Variants in SYDE2 observed in about 807,000 individuals in gnomAD.
SYDE2 encodes the protein synapse defective Rho GTPase homolog 2.
Under a neutral mutation model 91.5 loss-of-function variants are expected in SYDE2, and 76 were observed. The observed-to-expected ratio is 0.83, with a 90% confidence interval of 0.69 to 1.01. The LOEUF is 1.01. SYDE2 is among the 50% of genes least tolerant of loss of function. SYDE2 has a pLI of 0.00. For synonymous variants in SYDE2, 513 were observed against 506.4 expected (o/e 1.01, Z -0.18); for missense variants, 1,364 against 1,367.7 (o/e 1.00, Z 0.04).
At chr1:85,184,735 T>C (rs777481586) in intron 2 of SYDE2, among the ~76,000 whole-genome samples, 7 of 151,762 alleles carry the variant, frequency 4.6e-5, no homozygotes, top group African/African-American at 9.7e-5. Flanking sequence ...TGTGGTGGTG[T>C]GCTATAGTCC....
At chr1:85,167,640 G>A (rs1218563353) in intron 5 of SYDE2, among the ~76,000 whole-genome samples, 2 of 152,120 alleles carry the variant, frequency 1.3e-5, no homozygotes, top group African/African-American at 4.8e-5. Flanking sequence ...TTGTAGAGAC[G>A]GTTTCGCCAT....
chr1:85,152,601 G>T (rs1489560030), downstream of SYDE2: 2 of 152,114 alleles, frequency 1.3e-5, no homozygotes, highest in African/African-American at 4.8e-5. Flanking sequence ...CCATTCTCAA[G>T]TATCTTATTA....
Position 85,163,480 on chromosome 1 carries a change from T to A in SYDE2, c.3085+1046A>T, listed in dbSNP as rs890993865. The stretch of plus-strand genomic sequence containing the variant: ...ATATATATATATATATATATATATA[T>A]AACAAAAGAGTAACCAAAGACATTG... On this transcript the variant is annotated intron_variant, in intron 6 of 6. Coordinates refer to ENST00000341460, the MANE Select transcript of SYDE2 (RefSeq NM_032184.2). Among the ~76,000 whole-genome samples, 147 of 134,636 alleles carry A rather than the reference T, an allele frequency of 1.1e-3. 1 individual carries two copies. Among genetic ancestry groups the A allele is most frequent in the African/African-American group, 4.1e-3 (140 of 33,800 alleles). The allele number at this position is 134,636 out of a possible 152,430, so 88.3% of individuals were successfully genotyped here. A position where few individuals can be genotyped will look rare whatever the true frequency, so the allele number is the denominator to read the frequency against.
intron 6 of SYDE2, chr1:85,160,140 C>T: frequency 1.0e-6 from 1 of 985,198 alleles, no homozygotes; most frequent in Non-Finnish European, 1.2e-6. Context: ...CTTTCTCTTT[C>T]TGCATGAATA....
chr1:85,182,584 G>C lies in SYDE2; in HGVS notation c.2058C>G (p.Phe686Leu), dbSNP rs764798299. The part of the protein sequence containing the change: ...QYISGLMSVH[F>L]YGAEDLKPPR... ...GTGGTTTTAAATCCTCAGCACCATA[G>C]AAATGTACACTCATGAGCCCAGATA... Residue 686 changes from phenylalanine to leucine, a missense_variant, in exon 3 of 7, where the codon TTC becomes TTG. Transcript: ENST00000341460. 8 of 1,613,764 alleles carry C rather than the reference G, an allele frequency of 5.0e-6. No individual in the cohort carries two copies. In the African/African-American group the frequency reaches 1.1e-4, roughly 22 times the overall value.
chr1:85,169,163 C>A lies in SYDE2; in HGVS notation c.2734G>T (p.Ala912Ser), dbSNP rs760702883. The change falls in exon 5 of 7, where the codon GCT becomes TCT. Residue 912 changes from alanine (A) to serine (S), a missense_variant. Transcript: ENST00000341460. ...CTTTTTGCCATTGCATCTAATACAG[C>A]CTCATAAAGCTGCTTTGTTATCAGA... ...SPLITKQLYE[A>S]VLDAMAKSPL... is the part of the protein sequence containing the mutation. 1.9e-6 allele frequency: 3 copies of A among 1,613,810 alleles called. No individual in the cohort carries two copies. The South Asian group carries it at 3.3e-5, about 18-fold the overall frequency.
At position 85,172,961 on chromosome 1, in the gene SYDE2, G is replaced by A. The variant is rs536319479; in HGVS notation, c.2672-3736C>T. ...GAACAATTCTTGGAGTTTTCATAGTGTGGGCAATCACTCTCGTTCCATGCA... is the reference window on the plus strand; with the variant it reads ...GAACAATTCTTGGAGTTTTCATAGTATGGGCAATCACTCTCGTTCCATGCA... On this transcript the variant is annotated intron_variant, in intron 4 of 6. Coordinates refer to ENST00000341460, the MANE Select transcript of SYDE2 (RefSeq NM_032184.2). Among the ~76,000 whole-genome samples the A allele has an allele frequency of 1.5e-4, 23 of 152,312 alleles. No individual in the cohort carries two copies. The South Asian group carries it at 4.8e-3, about 32-fold the overall frequency.
At chr1:85,179,308 A>C (rs888087287) in intron 3 of SYDE2, among the ~76,000 whole-genome samples, 1 of 152,212 alleles carries the variant, frequency 6.6e-6, no homozygotes, top group Non-Finnish European at 1.5e-5. Context: ...TAGAGGAAGA[A>C]GTATACAAAT....
At chr1:85,162,854 G>C (rs1056451839) in intron 6 of SYDE2, among the ~76,000 whole-genome samples, 1 of 152,072 alleles carries the variant, frequency 6.6e-6, no homozygotes, top group Non-Finnish European at 1.5e-5. Context: ...TGACAAGATG[G>C]CTTTCTCCCA....
rs761162307 is a variant in SYDE2 at position 85,158,899 on chromosome 1, ACT to A, written c.3434_3435del (p.Glu1145ValfsTer13). 9.0e-6 allele frequency: 7 copies of A among 780,236 alleles called. No individual in the cohort carries two copies. Among genetic ancestry groups the A allele is most frequent in the Middle Eastern group, 4.5e-4 (2 of 4,440 alleles). 48.3% of individuals were successfully genotyped at this position (780,236 alleles called of 1,614,324 possible). A position where few individuals can be genotyped will look rare whatever the true frequency, so the allele number is the denominator to read the frequency against. On this transcript the variant is annotated frameshift_variant, in exon 7 of 7. Coordinates refer to ENST00000341460, the MANE Select transcript of SYDE2 (RefSeq NM_032184.2). LOFTEE classifies it high-confidence loss of function. ...ATTGTCAAATATGTCTGAAATGTAC[ACT>A]CTTTGGACATGGGAATTGGCTGTTC... Reference protein sequence around the residue: ...MIEQPIPMSKECTFQTYLTMQ... With the variant: ...MIEQPIPMSKXCTFQTYLTMQ...
intron 3 of SYDE2, among the ~76,000 whole-genome samples, chr1:85,179,430 A>G (rs1286961878): frequency 6.6e-6 from 1 of 152,220 alleles, no homozygotes; most frequent in Non-Finnish European, 1.5e-5. Context: ...ATACAGGGAA[A>G]TATTATCTAA....
At chr1:85,169,266 A>G in intron 4 of SYDE2, 41 bp from the exon 5 acceptor site, 1 of 1,492,138 alleles carries the variant, frequency 6.7e-7, no homozygotes, top group Non-Finnish European at 9.1e-7. Flanking sequence ...ATTGGACTGC[A>G]GAGTGAAATA....
rs972169057 is a variant in SYDE2 at position 85,157,908 on chromosome 1, T to TTAAA, written c.*838_*841dup. 1 of 152,216 alleles carries TTAAA rather than the reference T, an allele frequency of 6.6e-6. No homozygotes were observed. Among genetic ancestry groups the TTAAA allele is most frequent in the Admixed American group, 6.5e-5 (1 of 15,280 alleles). 9.4% of individuals were successfully genotyped at this position (152,216 alleles called of 1,614,324 possible). A position where few individuals can be genotyped will look rare whatever the true frequency, so the allele number is the denominator to read the frequency against. On this transcript the variant is annotated 3_prime_UTR_variant, in exon 7 of 7. Transcript: ENST00000341460. ...ATAAAAATATTTAATTTTTATAAGCTTAAATAATTACTGTTAATACAGAAA... is the reference window on the plus strand; with the variant it reads ...ATAAAAATATTTAATTTTTATAAGCTTAAATAAATAATTACTGTTAATACAGAAA...
rs773737459 is a variant in SYDE2 at position 85,190,270 on chromosome 1, T to A, written c.1228A>T (p.Ser410Cys). 6.2e-7 allele frequency: 1 copy of A among 1,613,868 alleles called. No homozygotes were observed. The highest frequency in any genetic ancestry group is 1.3e-5 in the African/African-American group (1 of 74,910). The change falls in exon 2 of 7, where the codon AGT becomes TGT. Residue 410 changes from serine (S) to cysteine (C), a missense_variant. Ser to Cys is a moderately radical substitution (Grantham distance 112, BLOSUM62 -1). Transcript: ENST00000341460. ...PAVNLSMLSG[S>C]DLMKAERHTE... Reference sequence around the variant, plus strand: ...TGCCGCTCTGCTTTCATCAGGTCACTGCCAGACAACATGCTCAAATTGACA... The same window carrying A: ...TGCCGCTCTGCTTTCATCAGGTCACAGCCAGACAACATGCTCAAATTGACA...
At position 85,169,128 on chromosome 1, in the gene SYDE2, T is replaced by C. The variant is rs1185422215; in HGVS notation, c.2769A>G (p.Lys923=). Residue 923 remains lysine (K), a synonymous_variant, in exon 5 of 7, where the codon AAA becomes AAG. Coordinates refer to ENST00000341460, the MANE Select transcript of SYDE2 (RefSeq NM_032184.2). ...VLDAMAKSPL[K]MSSNGCENDP... is the part of the protein sequence containing the mutation. Reference sequence around the variant, plus strand: ...CATTCTCACAACCATTTGATGACATTTTCAAAGGACTTTTTGCCATTGCAT... The same window carrying C: ...CATTCTCACAACCATTTGATGACATCTTCAAAGGACTTTTTGCCATTGCAT... 1 of 1,613,910 alleles carries C rather than the reference T, an allele frequency of 6.2e-7. No individual in the cohort carries two copies. The highest frequency in any genetic ancestry group is 1.7e-5 in the Admixed American group (1 of 60,032).
chr1:85,197,813 C>A (rs1323758246), intron 1 of SYDE2, among the ~76,000 whole-genome samples: 1 of 152,074 alleles, frequency 6.6e-6, no homozygotes, highest in Non-Finnish European at 1.5e-5. Context: ...CACCACCACG[C>A]CCGGCTAATT....
At chr1:85,170,766 T>C (rs969876278) in intron 4 of SYDE2, among the ~76,000 whole-genome samples, 10 of 152,244 alleles carry the variant, frequency 6.6e-5, no homozygotes, top group African/African-American at 2.2e-4. Flanking sequence ...ATCACTTTTA[T>C]AGCCACATTA....
chr1:85,159,839 C>T (rs1656993660), intron 6 of SYDE2: 1 of 980,780 alleles, frequency 1.0e-6, no homozygotes, highest in South Asian at 4.7e-5. Flanking sequence ...TTTGATTATA[C>T]AGCATTATCT....
chr1:85,183,956 T>C (rs1044959446), intron 2 of SYDE2, among the ~76,000 whole-genome samples: 1 of 152,214 alleles, frequency 6.6e-6, no homozygotes, highest in African/African-American at 2.4e-5. Flanking sequence ...TGAAATACTG[T>C]ACATGATAGC....
Sources: gnomAD v4.1 joint callset for allele counts (sites outside exome capture counted in the v4.1 genomes callset) on GRCh38, gnomAD v4.1.1 for gene constraint, MANE v1.5 for transcripts, NCBI Gene and HGNC (gene_info 2026-07-23, HGNC 2026-07-21) for gene names.